PPARD: variants seen among roughly 807,000 people sequenced by gnomAD.
PPARD encodes the protein peroxisome proliferator-activated receptor delta.
In PPARD, 6 loss-of-function variants were observed where a neutral mutation model predicts 39.5. That is an observed-to-expected ratio of 0.15 (90% confidence interval 0.08 to 0.30). The LOEUF (loss-of-function observed/expected upper bound fraction) is 0.30, where lower values mean the gene tolerates loss of function less well. PPARD is among the 10% of genes least tolerant of loss of function. The pLI, the probability that PPARD is intolerant of heterozygous loss-of-function variation, is 1.00. For synonymous variants in PPARD, 210 were observed against 231.3 expected (o/e 0.91, Z 0.83); for missense variants, 397 against 596.8 (o/e 0.67, Z 3.49).
chr6:35,394,841 T>G (rs922617923), intron 2 of PPARD, among the ~76,000 whole-genome samples: 8 of 146,378 alleles, frequency 5.5e-5, no homozygotes, highest in Admixed American at 1.4e-4. Context: ...CCCTAAGAGG[T>G]AACATTTTGG....
intron 2 of PPARD, among the ~76,000 whole-genome samples, chr6:35,370,847 T>C (rs1002190231): frequency 6.6e-6 from 1 of 152,212 alleles, no homozygotes; most frequent in Non-Finnish European, 1.5e-5. Context: ...AGGCAGCTCT[T>C]GTGTGTAGCA....
intron 4 of PPARD, 65 bp from the exon 5 acceptor site, chr6:35,421,755 G>A (rs1766185719): frequency 3.3e-6 from 5 of 1,514,156 alleles, no homozygotes; most frequent in Non-Finnish European, 4.5e-6. Context: ...ACATAATCGG[G>A]CCCTTTGGCA....
At chr6:35,374,869 C>A (rs2150558048) in intron 2 of PPARD, among the ~76,000 whole-genome samples, 1 of 152,202 alleles carries the variant, frequency 6.6e-6, no homozygotes, top group African/African-American at 2.4e-5. Context: ...CCCTGGTCAC[C>A]TGACAGTTGC....
At chr6:35,388,987 G>A (rs1454972289) in intron 2 of PPARD, among the ~76,000 whole-genome samples, 1 of 152,178 alleles carries the variant, frequency 6.6e-6, no homozygotes, top group East Asian at 1.9e-4. Flanking sequence ...CACAACAGCA[G>A]GCAAAACTAG....
At chr6:35,405,144 G>T (rs533581314) in intron 2 of PPARD, among the ~76,000 whole-genome samples, 1 of 152,102 alleles carries the variant, frequency 6.6e-6, no homozygotes, top group Non-Finnish European at 1.5e-5. Context: ...TGCAACCTCT[G>T]TCTCCCTAGT....
intron 2 of PPARD, among the ~76,000 whole-genome samples, chr6:35,350,469 A>C (rs1440442688): frequency 6.6e-6 from 1 of 152,130 alleles, no homozygotes; most frequent in Non-Finnish European, 1.5e-5. Context: ...CTCCATATGA[A>C]TATCCAGTTT....
intron 2 of PPARD, among the ~76,000 whole-genome samples, chr6:35,389,456 C>T (rs1581606865): frequency 1.3e-5 from 2 of 152,074 alleles, no homozygotes; most frequent in South Asian, 4.1e-4. Context: ...GGACTACAGG[C>T]GCCTGCCACC....
intron 2 of PPARD, among the ~76,000 whole-genome samples, chr6:35,390,675 A>G (rs1158123520): frequency 2.7e-5 from 4 of 150,080 alleles, no homozygotes; most frequent in Admixed American, 6.7e-5. Context: ...TGTTTCTGTA[A>G]AAAAAAAAGA....
intron 2 of PPARD, chr6:35,397,622 A>G (rs1282823147): frequency 6.7e-6 from 6 of 894,648 alleles, no homozygotes; most frequent in Non-Finnish European, 8.0e-6. Flanking sequence ...TCTTTTTGCA[A>G]TTATGCCAGT....
At chr6:35,381,982 C>T (rs1368828130) in intron 2 of PPARD, among the ~76,000 whole-genome samples, 2 of 152,172 alleles carry the variant, frequency 1.3e-5, no homozygotes, top group South Asian at 2.1e-4. Flanking sequence ...ATCTTACATA[C>T]CCTCCAAGGG....
At chr6:35,377,845 C>T (rs757664329) in intron 2 of PPARD, among the ~76,000 whole-genome samples, 6 of 142,082 alleles carry the variant, frequency 4.2e-5, no homozygotes, top group Non-Finnish European at 6.0e-5. Context: ...AACTATCACT[C>T]TGTGGGTCGC....
chr6:35,359,783 C>T (rs931034562), intron 2 of PPARD, among the ~76,000 whole-genome samples: 1 of 152,166 alleles, frequency 6.6e-6, no homozygotes, highest in Non-Finnish European at 1.5e-5. Context: ...CACAACAACC[C>T]TGAGAGGTAG....
In PPARD at chr6:35,426,055, G is replaced by A; in HGVS notation, c.1302G>A (p.Gln434=). ...ETETSLHPLL[Q]EIYKDMY is the part of the protein sequence containing the mutation. Reference sequence around the variant, plus strand: ...AGACCTCGCTGCACCCTCTGCTCCAGGAGATCTACAAGGACATGTACTAAC... The same window carrying A: ...AGACCTCGCTGCACCCTCTGCTCCAAGAGATCTACAAGGACATGTACTAAC... Residue 434 remains glutamine, a synonymous_variant, in exon 8 of 8, where the codon CAG becomes CAA. Coordinates refer to ENST00000360694, the MANE Select transcript of PPARD (RefSeq NM_006238.5). 1.9e-6 allele frequency: 3 copies of A among 1,611,584 alleles called. No individual in the cohort carries two copies. The highest frequency in any genetic ancestry group is 2.5e-6 in the Non-Finnish European group (3 of 1,179,432).
chr6:35,357,298 A>G (rs1348813766), intron 2 of PPARD, among the ~76,000 whole-genome samples: 1 of 152,100 alleles, frequency 6.6e-6, no homozygotes, highest in African/African-American at 2.4e-5. Context: ...CCTGATCTAG[A>G]GCTTGTTCAT....
At chr6:35,344,041 G>C (rs1792025372) in intron 1 of PPARD, among the ~76,000 whole-genome samples, 1 of 152,058 alleles carries the variant, frequency 6.6e-6, no homozygotes, top group African/African-American at 2.4e-5. Flanking sequence ...CCCTGGGGCT[G>C]GCGGGCATCT....
chr6:35,343,272 C>T (rs1582251955), intron 1 of PPARD, among the ~76,000 whole-genome samples: 1 of 152,102 alleles, frequency 6.6e-6, no homozygotes, highest in Non-Finnish European at 1.5e-5. Flanking sequence ...ATTATGGGTC[C>T]CCATCCTCTT....
Position 35,363,579 on chromosome 6 carries a change from G to A in PPARD, c.-102+16429G>A, listed in dbSNP as rs1379765729. Among the ~76,000 whole-genome samples, 2 of 152,154 alleles carry A rather than the reference G, an allele frequency of 1.3e-5. No homozygotes were observed. Among genetic ancestry groups the A allele is most frequent in the Non-Finnish European group, 2.9e-5 (2 of 68,034 alleles). ...AGACGCTCTCCAGTAGGTCTGAGTA[G>A]GTGGTGTGGACCCACCAGGAAAGGG... On this transcript the variant is annotated intron_variant, in intron 2 of 7. Coordinates refer to ENST00000360694, the MANE Select transcript of PPARD (RefSeq NM_006238.5). The surrounding 1 kb of genome is among the most constrained non-coding windows in gnomAD (Gnocchi z 4.5).
chr6:35,406,087 A>C (rs1025195095), intron 2 of PPARD, among the ~76,000 whole-genome samples: 1 of 151,042 alleles, frequency 6.6e-6, no homozygotes, highest in African/African-American at 2.4e-5. Flanking sequence ...CACCGCACCT[A>C]TCTGATTTTT....
At chr6:35,418,859 G>T (rs1765953693) in intron 3 of PPARD, among the ~76,000 whole-genome samples, 1 of 152,174 alleles carries the variant, frequency 6.6e-6, no homozygotes, top group Admixed American at 6.5e-5. Flanking sequence ...GGTGCTTCTT[G>T]TGCTCCCCCT....
Sources: gnomAD v4.1 joint callset for allele counts (sites outside exome capture counted in the v4.1 genomes callset) on GRCh38, gnomAD v4.1.1 for gene constraint, Gnocchi (gnomAD v3.1) non-coding constraint, MANE v1.5 for transcripts, NCBI Gene and HGNC (gene_info 2026-07-23, HGNC 2026-07-21) for gene names.